Variants in HEATR5A observed in about 807,000 individuals in gnomAD.
HEATR5A encodes the protein HEAT repeat containing 5A.
HEATR5A carries 178 observed loss-of-function variants against 218.8 expected under a neutral mutation model. That is an observed-to-expected ratio of 0.81 (90% CI 0.72 to 0.92). The LOEUF (loss-of-function observed/expected upper bound fraction) is 0.92. Among genes scored for constraint, HEATR5A ranks in the 40% least tolerant of loss-of-function variants. The pLI, the probability that HEATR5A is intolerant of heterozygous loss-of-function variation, is 0.00. For synonymous variants in HEATR5A, 864 were observed against 871.6 expected (o/e 0.99, Z 0.15); for missense variants, 2,420 against 2,418.9 (o/e 1.00, Z -0.01).
intron 21 of HEATR5A, among the ~76,000 whole-genome samples, chr14:31,339,119 A>G (rs530260767): frequency 2.5e-4 from 37 of 147,246 alleles, no homozygotes; most frequent in South Asian, 1.9e-3. Flanking sequence ...GTGTCTCAGG[A>G]AAAAAAAACA....
In HEATR5A at chr14:31,315,839, A is replaced by G; in HGVS notation, c.4149T>C (p.Ala1383=). The G allele has an allele frequency of 6.2e-7, 1 of 1,613,070 alleles. No homozygotes were observed. The highest frequency in any genetic ancestry group is 8.5e-7 in the Non-Finnish European group (1 of 1,179,478). ...CACTTTCATTATATAAGTGACTTAG[A>G]GCTTCTTTTCCAGCCTGTATTTTAG... is the stretch of plus-strand genomic sequence containing the variant. ...SLTKIQAGKE[A]LSHLYNESAS... The change falls in exon 27 of 36, where the codon GCT becomes GCC. Residue 1383 remains alanine (A), a synonymous_variant. Coordinates refer to ENST00000543095, the MANE Select transcript of HEATR5A (RefSeq NM_015473.4).
chr14:31,362,777 C>A (rs372941756), intron 14 of HEATR5A, among the ~76,000 whole-genome samples: 79 of 132,458 alleles, frequency 6.0e-4, no homozygotes, highest in African/African-American at 7.1e-4. Flanking sequence ...GGCCCCATCT[C>A]AAAAAAAAAA....
intron 25 of HEATR5A, chr14:31,320,443 G>T: frequency 7.4e-7 from 1 of 1,347,724 alleles, no homozygotes; most frequent in East Asian, 2.3e-5. Context: ...TGGCGGCTGT[G>T]TCAGTGTCCC....
chr14:31,379,805 T>A (rs528366290), intron 11 of HEATR5A, among the ~76,000 whole-genome samples: 82 of 152,090 alleles, frequency 5.4e-4, no homozygotes, highest in Middle Eastern at 3.4e-3. Context: ...AAAATTTTTT[T>A]AAATTAGCCA....
intron 3 of HEATR5A, 76 bp from the exon 4 acceptor site, chr14:31,398,857 T>A (rs1237969129): frequency 7.4e-6 from 6 of 806,036 alleles, no homozygotes; most frequent in Non-Finnish European, 1.2e-5. Flanking sequence ...TATGTAAGGA[T>A]AACTGTTGAA....
At chr14:31,365,150 G>A (rs1194202932) in intron 13 of HEATR5A, among the ~76,000 whole-genome samples, 1 of 152,034 alleles carries the variant, frequency 6.6e-6, no homozygotes, top group East Asian at 1.9e-4. Flanking sequence ...TGGGATTACA[G>A]GTGTGAGCCA....
chr14:31,409,091 A>G (rs1274095220), intron 1 of HEATR5A, among the ~76,000 whole-genome samples: 9 of 134,604 alleles, frequency 6.7e-5, no homozygotes, highest in African/African-American at 1.9e-4. Context: ...CCTGTTGCCC[A>G]GGCTGGAGTG....
chr14:31,308,973 G>A lies in HEATR5A; in HGVS notation c.4651C>T (p.Pro1551Ser), dbSNP rs769373104. The change falls in exon 29 of 36, where the codon CCT becomes TCT. Residue 1551 changes from proline (P) to serine (S), a missense_variant. Physicochemically the swap from Pro to Ser is moderately conservative, Grantham distance 74. Transcript: ENST00000543095. The stretch of plus-strand genomic sequence containing the variant: ...AATCTATCAGTGTAGACATCCTCAG[G>A]GGACTTTATGGTAGCCCCAGATGAT... ...GSSSGATIKS[P>S]EDVYTDRFHL... is the part of the protein sequence containing the mutation. The A allele has an allele frequency of 1.2e-6, 2 of 1,613,738 alleles. No individual in the cohort carries two copies. The highest frequency in any genetic ancestry group is 1.7e-6 in the Non-Finnish European group (2 of 1,179,796).
chr14:31,300,595 T>A (rs183715775), intron 33 of HEATR5A, among the ~76,000 whole-genome samples: 1 of 152,240 alleles, frequency 6.6e-6, no homozygotes, highest in African/African-American at 2.4e-5. Context: ...ATGGCTGTCT[T>A]ACCTGAGATC....
intron 1 of HEATR5A, among the ~76,000 whole-genome samples, chr14:31,405,725 C>A (rs1037575213): frequency 1.3e-5 from 2 of 152,050 alleles, no homozygotes; most frequent in African/African-American, 4.8e-5. Flanking sequence ...TTATTAATAC[C>A]AGGGCAAGTC....
intron 1 of HEATR5A, among the ~76,000 whole-genome samples, chr14:31,414,744 T>C (rs2031390092): frequency 6.6e-6 from 1 of 152,196 alleles, no homozygotes. Flanking sequence ...TGTTCATGTC[T>C]CTTACATCCC....
chr14:31,352,752 GTT>G (rs1301798340), intron 16 of HEATR5A, among the ~76,000 whole-genome samples: 1 of 152,154 alleles, frequency 6.6e-6, no homozygotes. Context: ...GATGTCAGGA[GTT>G]TGAGACCAGC....
At chr14:31,324,393 C>A (rs1048329165) in intron 23 of HEATR5A, among the ~76,000 whole-genome samples, 1 of 152,168 alleles carries the variant, frequency 6.6e-6, no homozygotes, top group Non-Finnish European at 1.5e-5. Context: ...TGTTTAACAA[C>A]TGAAAATGGA....
intron 1 of HEATR5A, among the ~76,000 whole-genome samples, chr14:31,412,379 G>A (rs1436487601): frequency 1.3e-5 from 2 of 151,462 alleles, no homozygotes; most frequent in African/African-American, 4.8e-5. Flanking sequence ...GGTGGATCAC[G>A]AGGTCAAGAT....
At chr14:31,371,977 G>T in intron 12 of HEATR5A, 68 bp from the exon 13 acceptor site, 2 of 677,824 alleles carry the variant, frequency 3.0e-6, no homozygotes, top group Non-Finnish European at 2.5e-6. Context: ...TTTGATTATG[G>T]TACAACATTA....
At chr14:31,322,311 T>G (rs963894329) in intron 24 of HEATR5A, among the ~76,000 whole-genome samples, 14 of 152,204 alleles carry the variant, frequency 9.2e-5, no homozygotes, top group Non-Finnish European at 2.1e-4. Flanking sequence ...CAACTACAAC[T>G]TTAACTGAGA....
chr14:31,315,836 T>C lies in HEATR5A; in HGVS notation c.4152A>G (p.Leu1384=), dbSNP rs773615308. ...LTKIQAGKEA[L]SHLYNESAST... is the part of the protein sequence containing the mutation. The stretch of plus-strand genomic sequence containing the variant: ...AAGCACTTTCATTATATAAGTGACT[T>C]AGAGCTTCTTTTCCAGCCTGTATTT... Residue 1384 remains leucine, a synonymous_variant, in exon 27 of 36, where the codon CTA becomes CTG. Transcript: ENST00000543095. 3 of 1,613,136 alleles carry C rather than the reference T, an allele frequency of 1.9e-6. No individual in the cohort carries two copies. The highest frequency in any genetic ancestry group is 2.2e-5 in the South Asian group (2 of 90,834).
intron 18 of HEATR5A, among the ~76,000 whole-genome samples, chr14:31,349,195 CTGGCCAGCA>C (rs1457907385): frequency 2.0e-5 from 3 of 152,070 alleles, no homozygotes; most frequent in African/African-American, 7.2e-5. Flanking sequence ...CGAGACCAGC[CTGGCCAGCA>C]TGGAGAAACC....
intron 28 of HEATR5A, 44 bp downstream of exon 28, chr14:31,312,924 G>T: frequency 7.1e-7 from 1 of 1,403,742 alleles, no homozygotes; most frequent in Non-Finnish European, 9.9e-7. Flanking sequence ...AAGAAAATGT[G>T]TTACTGTCAC....
Sources: gnomAD v4.1 joint callset for allele counts (sites outside exome capture counted in the v4.1 genomes callset) on GRCh38, gnomAD v4.1.1 for gene constraint, MANE v1.5 for transcripts, NCBI Gene and HGNC (gene_info 2026-07-23, HGNC 2026-07-21) for gene names.